PDGFC: variants seen among roughly 807,000 people sequenced by gnomAD.
PDGFC encodes the protein platelet derived growth factor C.
In PDGFC, 12 loss-of-function variants were observed where a neutral mutation model predicts 35.5. The observed-to-expected ratio is 0.34, with a 90% CI of 0.22 to 0.55. The LOEUF (loss-of-function observed/expected upper bound fraction) is 0.55. Ranked by LOEUF, PDGFC falls within the 20% of genes least tolerant of loss-of-function variation. PDGFC has a pLI of 0.91. For synonymous variants in PDGFC, 159 were observed against 148.8 expected (o/e 1.07, Z -0.50); for missense variants, 322 against 412.4 (o/e 0.78, Z 1.90).
chr4:156,820,410 G>A (rs1262390318), intron 2 of PDGFC, among the ~76,000 whole-genome samples: 1 of 152,104 alleles, frequency 6.6e-6, no homozygotes, highest in Non-Finnish European at 1.5e-5. Flanking sequence ...CCTTCAATAA[G>A]CACCACCATG....
At chr4:156,896,154 T>C (rs1366058617) in intron 1 of PDGFC, among the ~76,000 whole-genome samples, 1 of 152,164 alleles carries the variant, frequency 6.6e-6, no homozygotes, top group Non-Finnish European at 1.5e-5. Flanking sequence ...AAATACATAA[T>C]TCAGAAACAT....
intron 2 of PDGFC, among the ~76,000 whole-genome samples, chr4:156,830,490 C>A (rs1028378589): frequency 6.6e-6 from 1 of 152,202 alleles, no homozygotes; most frequent in African/African-American, 2.4e-5. Flanking sequence ...TAATTGTGGG[C>A]TACTTAGGGC....
chr4:156,950,654 GAAGAA>G (rs1732057585), intron 1 of PDGFC, among the ~76,000 whole-genome samples: 1 of 151,580 alleles, frequency 6.6e-6, no homozygotes, highest in South Asian at 2.1e-4. Context: ...CTAAGAGGTA[GAAGAA>G]AAGTTCTTTT....
chr4:156,868,224 A>C (rs1729891979), intron 1 of PDGFC, among the ~76,000 whole-genome samples: 1 of 152,236 alleles, frequency 6.6e-6, no homozygotes, highest in African/African-American at 2.4e-5. Flanking sequence ...CAAATCTGAA[A>C]GTTTTAGTGA....
At chr4:156,765,965 T>C (rs1387089459) in intron 5 of PDGFC, among the ~76,000 whole-genome samples, 1 of 152,106 alleles carries the variant, frequency 6.6e-6, no homozygotes, top group East Asian at 1.9e-4. Flanking sequence ...AGACTCACCT[T>C]ATAGATGAGG....
chr4:156,834,395 T>C (rs897215162), intron 2 of PDGFC, among the ~76,000 whole-genome samples: 15 of 152,144 alleles, frequency 9.9e-5, no homozygotes, highest in African/African-American at 3.4e-4. Flanking sequence ...TTAACCCCAA[T>C]ACCTCAGCAA....
chr4:156,799,070 T>G (rs1201524860), intron 3 of PDGFC, among the ~76,000 whole-genome samples: 1 of 151,346 alleles, frequency 6.6e-6, no homozygotes, highest in Non-Finnish European at 1.5e-5. Flanking sequence ...AAAACAAAAT[T>G]TTTAGTATAA....
At chr4:156,784,237 C>T (rs1731058122) in intron 3 of PDGFC, among the ~76,000 whole-genome samples, 1 of 152,118 alleles carries the variant, frequency 6.6e-6, no homozygotes, top group Non-Finnish European at 1.5e-5. Context: ...AATGGGATTT[C>T]CCCATACTTA....
chr4:156,842,500 T>A (rs1729229733), intron 2 of PDGFC, among the ~76,000 whole-genome samples: 1 of 152,026 alleles, frequency 6.6e-6, no homozygotes, highest in Admixed American at 6.6e-5. Context: ...TTGCCTTCAA[T>A]CCCTCCTTCA....
At chr4:156,862,069 G>C (rs1204844730) in intron 1 of PDGFC, among the ~76,000 whole-genome samples, 5 of 152,048 alleles carry the variant, frequency 3.3e-5, no homozygotes, top group Non-Finnish European at 7.4e-5. Context: ...AAGGGACCTT[G>C]AAGTTAGAAA....
intron 1 of PDGFC, among the ~76,000 whole-genome samples, chr4:156,864,325 G>A (rs993885052): frequency 6.6e-6 from 1 of 151,956 alleles, no homozygotes; most frequent in Non-Finnish European, 1.5e-5. Flanking sequence ...TGTTTCTATG[G>A]AATAGAGTTA....
chr4:156,777,148 T>C (rs1038253260), intron 3 of PDGFC, among the ~76,000 whole-genome samples: 11 of 152,116 alleles, frequency 7.2e-5, no homozygotes, highest in African/African-American at 2.7e-4. Flanking sequence ...CATATATATA[T>C]AAAATTTTGA....
chr4:156,798,961 AT>A (rs1731522939), intron 3 of PDGFC, among the ~76,000 whole-genome samples: 2 of 152,198 alleles, frequency 1.3e-5, no homozygotes, highest in Non-Finnish European at 2.9e-5. Context: ...GCCTGGGCTG[AT>A]TTGGAGCCTC....
chr4:156,934,938 T>A (rs1731640346), intron 1 of PDGFC, among the ~76,000 whole-genome samples: 1 of 152,152 alleles, frequency 6.6e-6, no homozygotes, highest in Admixed American at 6.6e-5. Flanking sequence ...TGCCTTCTTC[T>A]GGAATCTGTC....
chr4:156,936,501 C>T (rs1364479335), intron 1 of PDGFC, among the ~76,000 whole-genome samples: 1 of 152,174 alleles, frequency 6.6e-6, no homozygotes, highest in East Asian at 1.9e-4. Flanking sequence ...TCTCTGGAAC[C>T]TACCAATCCC....
rs1731918724 is a variant in PDGFC at position 156,810,989 on chromosome 4, T to C, written c.343A>G (p.Ser115Gly). The C allele has an allele frequency of 1.3e-6, 2 of 1,588,090 alleles. No homozygotes were observed. The change falls in exon 3 of 6, where the codon AGT becomes GGT. Residue 115 changes from serine (S) to glycine (G), a missense_variant. Ser to Gly is a moderately conservative substitution (Grantham distance 56). Around this residue, in one of 2 missense-constraint regions of PDGFC, gnomAD observed 202 missense variants for 295.9 expected, o/e 0.68. Transcript: ENST00000502773. Reference protein sequence around the residue: ...KYDFVEVEEPSDGTILGRWCG... With the variant: ...KYDFVEVEEPGDGTILGRWCG... Reference sequence around the variant, plus strand: ...CAGCGCCCTAATATAGTTCCATCACTGGGTTCCTCAACTTCTACAAAATCA... The same window carrying C: ...CAGCGCCCTAATATAGTTCCATCACCGGGTTCCTCAACTTCTACAAAATCA...
At chr4:156,838,083 T>C (rs1274598875) in intron 2 of PDGFC, among the ~76,000 whole-genome samples, 1 of 152,134 alleles carries the variant, frequency 6.6e-6, no homozygotes. Flanking sequence ...GGAAAGGGCA[T>C]TGGCAAAATC....
chr4:156,817,668 A>G (rs1732124857), intron 2 of PDGFC, among the ~76,000 whole-genome samples: 1 of 152,120 alleles, frequency 6.6e-6, no homozygotes, highest in Non-Finnish European at 1.5e-5. Context: ...GTTTCATAGG[A>G]GAGTTCTATT....
At chr4:156,803,086 G>A (rs966066550) in intron 3 of PDGFC, among the ~76,000 whole-genome samples, 11 of 152,068 alleles carry the variant, frequency 7.2e-5, no homozygotes, top group African/African-American at 2.4e-4. Flanking sequence ...CAAGGATGAC[G>A]GTTTGTGCAG....
Sources: allele counts gnomAD v4.1 joint callset (sites outside exome capture counted in the v4.1 genomes callset), GRCh38; gene constraint gnomAD v4.1.1; regional missense constraint gnomAD v4.1.1; transcripts MANE v1.5; gene names NCBI Gene and HGNC (gene_info 2026-07-23, HGNC 2026-07-21).